PIEZO2: variants seen among roughly 807,000 people sequenced by gnomAD.
PIEZO2 encodes piezo-type mechanosensitive ion channel component 2.
In PIEZO2, 172 loss-of-function variants were observed where a neutral mutation model predicts 337.3. That is an observed-to-expected ratio of 0.51 (90% CI 0.45 to 0.58). The LOEUF (loss-of-function observed/expected upper bound fraction) is 0.58. Ranked by LOEUF, PIEZO2 falls within the 20% of genes least tolerant of loss-of-function variation. The pLI is 0.00. For synonymous variants in PIEZO2, 1,251 were observed against 1,228.5 expected (o/e 1.02, Z -0.38); for missense variants, 3,028 against 3,391.3 (o/e 0.89, Z 2.66).
intron 4 of PIEZO2, among the ~76,000 whole-genome samples, chr18:10,884,577 C>T (rs2042518388): frequency 6.6e-6 from 1 of 152,144 alleles, no homozygotes; most frequent in African/African-American, 2.4e-5. Context: ...GGCCACATTG[C>T]CTGGCTAGTG....
intron 7 of PIEZO2, among the ~76,000 whole-genome samples, chr18:10,818,965 A>G (rs2040443307): frequency 6.6e-6 from 1 of 152,196 alleles, no homozygotes; most frequent in African/African-American, 2.4e-5. Context: ...GCCCTAAAGT[A>G]AGTCTATTGG....
At chr18:11,053,311 T>C (rs1171700008) in intron 2 of PIEZO2, among the ~76,000 whole-genome samples, 2 of 152,196 alleles carry the variant, frequency 1.3e-5, no homozygotes, top group African/African-American at 4.8e-5. Context: ...TTCATATTTC[T>C]TTACTAATAT....
At position 10,671,898 on chromosome 18, in the gene PIEZO2, T is replaced by A. The variant is rs981133389; in HGVS notation, c.8346-119A>T. 6.4e-6 allele frequency: 6 copies of A among 931,234 alleles called. No homozygotes were observed. The African/African-American group carries it at 1.0e-4, about 16-fold the overall frequency. The allele number at this position is 931,234 out of a possible 1,614,324, so 57.7% of individuals were successfully genotyped here. A position where few individuals can be genotyped will look rare whatever the true frequency, so the allele number is the denominator to read the frequency against. On this transcript the variant is annotated intron_variant, in intron 55 of 55. Coordinates refer to ENST00000674853, the MANE Select transcript of PIEZO2 (RefSeq NM_001378183.1). ...AAATTCTGTAGAAGAAATAAGCAAA[T>A]CAAATCTTACATTTTTTCCCTTTGG...
intron 1 of PIEZO2, among the ~76,000 whole-genome samples, chr18:11,076,892 A>G (rs2038566099): frequency 1.3e-5 from 2 of 152,202 alleles, no homozygotes; most frequent in East Asian, 3.9e-4. Flanking sequence ...ATCTTTTAAT[A>G]TGCTCTTCAT....
intron 4 of PIEZO2, among the ~76,000 whole-genome samples, chr18:10,882,561 C>G (rs9957687): frequency 0.05 from 7,659 of 151,846 alleles, 267 homozygotes; most frequent in Middle Eastern, 0.11. Context: ...AAAGACAATT[C>G]TTTCTTTTTT....
intron 13 of PIEZO2, among the ~76,000 whole-genome samples, chr18:10,792,984 T>C (rs189547073): frequency 2.2e-4 from 34 of 152,288 alleles, no homozygotes; most frequent in Non-Finnish European, 3.8e-4. Context: ...GGCTGGGCAC[T>C]ATGGCTCACG....
At chr18:10,892,946 G>T (rs1480094729) in intron 4 of PIEZO2, among the ~76,000 whole-genome samples, 4 of 152,178 alleles carry the variant, frequency 2.6e-5, no homozygotes, top group South Asian at 4.1e-4. Flanking sequence ...AAGAAATATG[G>T]TCAGTAAAGG....
At chr18:10,734,142 A>G (rs11080446) in intron 35 of PIEZO2, among the ~76,000 whole-genome samples, 49,486 of 152,088 alleles carry the variant, frequency 0.33, 8,858 homozygotes, top group East Asian at 0.53. Context: ...ACTAAGATGG[A>G]GGATAATTAC....
At position 11,116,669 on chromosome 18, in the gene PIEZO2, T is replaced by TC. The variant is rs2039898887; in HGVS notation, c.64+31855dup. On this transcript the variant is annotated intron_variant, in intron 1 of 55. Transcript: ENST00000674853. The surrounding 1 kb of genome is among the most constrained non-coding windows in gnomAD (Gnocchi z 5.0). ...AGGCGTAGCTTGCAGTGAGCCGAGA[T>TC]CCGCCACCGCACTCCAGCCTGGGCG... Among the ~76,000 whole-genome samples the TC allele has an allele frequency of 6.7e-6, 1 of 149,672 alleles. No individual in the cohort carries two copies. Among genetic ancestry groups the TC allele is most frequent in the Admixed American group, 6.6e-5 (1 of 15,044 alleles).
chr18:10,810,984 A>G (rs1165758109), intron 7 of PIEZO2, among the ~76,000 whole-genome samples: 1 of 152,232 alleles, frequency 6.6e-6, no homozygotes, highest in Non-Finnish European at 1.5e-5. Flanking sequence ...CATTACATCC[A>G]TGGCCTATCA....
intron 2 of PIEZO2, among the ~76,000 whole-genome samples, chr18:11,024,576 T>C (rs546459548): frequency 1.8e-4 from 27 of 148,136 alleles, no homozygotes; most frequent in Admixed American, 8.0e-4. Context: ...AAAAAGAAAG[T>C]AAAAAGGAAA....
rs1156380863 is a variant in PIEZO2 at position 10,767,352 on chromosome 18, G to T, written c.2946+2796C>A. On this transcript the variant is annotated intron_variant, in intron 21 of 55. Coordinates refer to ENST00000674853, the MANE Select transcript of PIEZO2 (RefSeq NM_001378183.1). This position sits in a 1 kb window ranked among gnomAD's most constrained non-coding sequence, Gnocchi z 4.2. ...AAGGTTTAATATTTGCAGGAGAGAT[G>T]AACCCAAAAGTTGTGAAAACAAGCA... Among the ~76,000 whole-genome samples the T allele has an allele frequency of 6.6e-6, 1 of 152,102 alleles. No homozygotes were observed. The highest frequency in any genetic ancestry group is 1.5e-5 in the Non-Finnish European group (1 of 68,036).
In PIEZO2 at chr18:10,742,798, TTG is replaced by T. The variant is rs71169946; in HGVS notation, c.4515-185_4515-184del. ...GATCTCCTTTCTTTTATATACATAT[TTG>T]TGTGTGTGTGTGTGTGTGTGTGTGT... is the stretch of plus-strand genomic sequence containing the variant. On this transcript the variant is annotated intron_variant, in intron 31 of 55. Coordinates refer to ENST00000674853, the MANE Select transcript of PIEZO2 (RefSeq NM_001378183.1). 3.3e-3 allele frequency among the ~76,000 whole-genome samples: 381 copies of T among 115,286 alleles called. 1 individual carries two copies. The highest frequency in any genetic ancestry group is 4.7e-3 in the African/African-American group (91 of 19,260). 75.6% of individuals were successfully genotyped at this position (115,286 alleles called of 152,430 possible). A position where few individuals can be genotyped will look rare whatever the true frequency, so the allele number is the denominator to read the frequency against.
chr18:10,720,396 TGTG>T lies in PIEZO2; in HGVS notation c.5030-2140_5030-2138del. 1.3e-4 allele frequency among the ~76,000 whole-genome samples: 3 copies of T among 23,034 alleles called. 1 individual carries two copies. Among genetic ancestry groups the T allele is most frequent in the East Asian group, 2.2e-3 (2 of 922 alleles). 15.1% of individuals were successfully genotyped at this position (23,034 alleles called of 152,430 possible). On this transcript the variant is annotated intron_variant, in intron 36 of 55. Coordinates refer to ENST00000674853, the MANE Select transcript of PIEZO2 (RefSeq NM_001378183.1). The stretch of plus-strand genomic sequence containing the variant: ...GTGTGTGTGTGTGTGTGTGTGTGTG[TGTG>T]TGTGTATGTGTATGTGTATGTATAT...
intron 53 of PIEZO2, 25 bp from the exon 54 acceptor site, chr18:10,675,313 C>A: frequency 7.3e-7 from 1 of 1,376,048 alleles, no homozygotes. Flanking sequence ...AAAAAAGATA[C>A]AATTACGTTT....
rs2034594086 is a variant in PIEZO2, at chr18:10,979,752, A to G, written c.161-92T>C. ...TACATATTTCTGTATAACCTATTAG[A>G]TAGACCGACTCAAAAGTATATGGAA... On this transcript the variant is annotated intron_variant, in intron 2 of 55. Transcript: ENST00000674853. The surrounding 1 kb of genome is among the most constrained non-coding windows in gnomAD (Gnocchi z 4.0). 5.2e-6 allele frequency: 6 copies of G among 1,157,548 alleles called. No individual in the cohort carries two copies. In the South Asian group the frequency reaches 1.4e-4, roughly 28 times the overall value. 71.7% of individuals were successfully genotyped at this position (1,157,548 alleles called of 1,614,324 possible).
Position 11,112,958 on chromosome 18 carries a change from C to G in PIEZO2, c.64+35567G>C, listed in dbSNP as rs550911981. Among the ~76,000 whole-genome samples, 6 of 152,294 alleles carry G rather than the reference C, an allele frequency of 3.9e-5. No individual in the cohort carries two copies. The East Asian group carries it at 1.2e-3, about 29-fold the overall frequency. On this transcript the variant is annotated intron_variant, in intron 1 of 55. Transcript: ENST00000674853. This position sits in a 1 kb window ranked among gnomAD's most constrained non-coding sequence, Gnocchi z 4.3. ...GTTCAAGCTGCTCTCTAGATTCAGA[C>G]CTACAGGATAAAGGTCCTGGTGTGT...
In PIEZO2 at chr18:10,812,834, T is replaced by G. The variant is rs891908179; in HGVS notation, c.918-5560A>C. Reference sequence around the variant, plus strand: ...AGATTTATAAAACCTCCACCTGTTTTCAGGTGTGCTCCAGACCACATCTGC... The same window carrying G: ...AGATTTATAAAACCTCCACCTGTTTGCAGGTGTGCTCCAGACCACATCTGC... On this transcript the variant is annotated intron_variant, in intron 7 of 55. Transcript: ENST00000674853. 4.6e-5 allele frequency among the ~76,000 whole-genome samples: 7 copies of G among 152,324 alleles called. No homozygotes were observed. The East Asian group carries it at 1.2e-3, about 25-fold the overall frequency.
chr18:11,103,928 C>A lies in PIEZO2; in HGVS notation c.65-37706G>T, dbSNP rs543574605. Among the ~76,000 whole-genome samples, 106 of 152,056 alleles carry A rather than the reference C, an allele frequency of 7.0e-4. 2 individuals carry two copies. Among genetic ancestry groups the A allele is most frequent in the African/African-American group, 2.6e-3 (106 of 41,472 alleles). On this transcript the variant is annotated intron_variant, in intron 1 of 55. Transcript: ENST00000674853. ...GCAACCTCAGCCTCGTGGGTTCAAGCGATTCTCCTGCCTCAGCCTCCCGAG... is the reference window on the plus strand; with the variant it reads ...GCAACCTCAGCCTCGTGGGTTCAAGAGATTCTCCTGCCTCAGCCTCCCGAG...
Sources: gnomAD v4.1 joint callset for allele counts (sites outside exome capture counted in the v4.1 genomes callset) on GRCh38, gnomAD v4.1.1 for gene constraint, Gnocchi (gnomAD v3.1) non-coding constraint, MANE v1.5 for transcripts, NCBI Gene and HGNC (gene_info 2026-07-23, HGNC 2026-07-21) for gene names.